ZNF621: variants seen among roughly 807,000 people sequenced by gnomAD.
ZNF621 encodes zinc finger protein 621.
ZNF621 carries 6 observed loss-of-function variants against 12.7 expected under a neutral mutation model. The observed-to-expected ratio is 0.47, with a 90% confidence interval of 0.26 to 0.93. The LOEUF is 0.93. ZNF621 is among the 40% of genes least tolerant of loss of function. The probability of loss-of-function intolerance (pLI) is 0.15; values close to 1 mark genes in which losing one functional copy is unlikely to be tolerated. For missense variants in ZNF621, 474 were observed against 524.0 expected, an observed-to-expected ratio of 0.90 and a Z score of 0.93; for synonymous variants, 156 against 190.3, an observed-to-expected ratio of 0.82 and a Z score of 1.48.
chr3:40,533,195 C>A lies in ZNF621; in HGVS notation c.*105C>A. 2 of 1,457,064 alleles carry A rather than the reference C, an allele frequency of 1.4e-6. No homozygotes were observed. The highest frequency in any genetic ancestry group is 2.9e-5 in the South Asian group (2 of 68,010). 90.3% of individuals were successfully genotyped at this position (1,457,064 alleles called of 1,614,324 possible). A position where few individuals can be genotyped will look rare whatever the true frequency, so the allele number is the denominator to read the frequency against. ...TTGCTCTGTCACCCAGGCTAGAGTG[C>A]GGTGGTGTGATCTTGGCTCACTGCA... On this transcript the variant is annotated 3_prime_UTR_variant, in exon 5 of 5. Coordinates refer to ENST00000339296, the MANE Select transcript of ZNF621 (RefSeq NM_198484.5).
chr3:40,532,562 A>G lies in ZNF621; in HGVS notation c.792A>G (p.Lys264=). 1 of 1,614,106 alleles carries G rather than the reference A, an allele frequency of 6.2e-7. No individual in the cohort carries two copies. The highest frequency in any genetic ancestry group is 8.5e-7 in the Non-Finnish European group (1 of 1,180,016). The change falls in exon 5 of 5, where the codon AAA becomes AAG. Residue 264 remains lysine, a synonymous_variant. Coordinates refer to ENST00000339296, the MANE Select transcript of ZNF621 (RefSeq NM_198484.5). ...QRLHTGEKLY[K]CKECWKAFGC... is the part of the protein sequence containing the mutation. ...TACACACGGGAGAGAAACTCTATAAATGTAAGGAATGTTGGAAAGCTTTCG... is the reference window on the plus strand; with the variant it reads ...TACACACGGGAGAGAAACTCTATAAGTGTAAGGAATGTTGGAAAGCTTTCG...
At chr3:40,525,652 A>T (rs912602507) in intron 1 of ZNF621, 127 bp from the exon 2 acceptor site, 1 of 732,934 alleles carries the variant, frequency 1.4e-6, no homozygotes, top group African/African-American at 1.8e-5. Context: ...GCGTGAGAAC[A>T]ATTAGAGGGA....
At chr3:40,526,200 C>T (rs548125571) in intron 2 of ZNF621, among the ~76,000 whole-genome samples, 212 of 152,310 alleles carry the variant, frequency 1.4e-3, no homozygotes, top group Non-Finnish European at 2.3e-3. Flanking sequence ...CGGAGTCTCA[C>T]TCTGTCGCCC....
upstream of ZNF621, among the ~76,000 whole-genome samples, chr3:40,523,633 C>T (rs1022156002): frequency 6.6e-6 from 1 of 151,928 alleles, no homozygotes; most frequent in South Asian, 2.1e-4. Context: ...GGCGTGGTGG[C>T]GGGGTGCCTG....
chr3:40,526,036 A>C (rs936796433), intron 2 of ZNF621, among the ~76,000 whole-genome samples, 172 bp downstream of exon 2: 2 of 152,152 alleles, frequency 1.3e-5, no homozygotes, highest in Admixed American at 1.3e-4. Flanking sequence ...TGGGGAAATG[A>C]AAGTTTTGTG....
Position 40,529,464 on chromosome 3 carries a change from GCCCTTTGTAA to G in ZNF621, c.151+21_151+30del, listed in dbSNP as rs1559557423. ...TCTCTGGGTAAGGCCTCCCTCTGTG[GCCCTTTGTAA>G]CAGTTTGCTATCTTCCTCAGATGTT... On this transcript the variant is annotated intron_variant, in intron 3 of 4. Coordinates refer to ENST00000339296, the MANE Select transcript of ZNF621 (RefSeq NM_198484.5). 1 of 1,611,646 alleles carries G rather than the reference GCCCTTTGTAA, an allele frequency of 6.2e-7. No individual in the cohort carries two copies.
upstream of ZNF621, chr3:40,524,953 A>C (rs1454436001): frequency 6.6e-6 from 1 of 151,970 alleles, no homozygotes; most frequent in East Asian, 1.9e-4. Context: ...CTGGGCGTGC[A>C]CTCGCCCTTC....
At chr3:40,523,116 T>C (rs1292279199), upstream of ZNF621, among the ~76,000 whole-genome samples, 1 of 152,030 alleles carries the variant, frequency 6.6e-6, no homozygotes, top group African/African-American at 2.4e-5. Context: ...TTTTTTTTCC[T>C]TTTTCTCTTT....
chr3:40,526,412 T>C (rs1698584482), intron 2 of ZNF621, among the ~76,000 whole-genome samples: 1 of 152,196 alleles, frequency 6.6e-6, no homozygotes, highest in Admixed American at 6.5e-5. Context: ...GCTCAGGTGA[T>C]CCACCCGCTT....
rs1342018091 is a variant in ZNF621, at chr3:40,537,658, A to C, written c.*4568A>C. ...AGTTTTAGGGGTCTGGATCAAACCA[A>C]CCACAAATTCCCTTAAGCCAAAACC... On this transcript the variant is annotated 3_prime_UTR_variant, in exon 5 of 5. Transcript: ENST00000339296. The C allele has an allele frequency of 6.5e-6, 1 of 152,778 alleles. No individual in the cohort carries two copies. Among genetic ancestry groups the C allele is most frequent in the Non-Finnish European group, 1.5e-5 (1 of 68,442 alleles). 9.5% of individuals were successfully genotyped at this position (152,778 alleles called of 1,614,324 possible).
In ZNF621 at chr3:40,536,584, A is replaced by C. The variant is rs911869690; in HGVS notation, c.*3494A>C. On this transcript the variant is annotated 3_prime_UTR_variant, in exon 5 of 5. Transcript: ENST00000339296. ...TCATTCTGTCTCATCCCAGGAATCCAGTCCCAAGTGCTGCCTGCCAATCGT... is the reference window on the plus strand; with the variant it reads ...TCATTCTGTCTCATCCCAGGAATCCCGTCCCAAGTGCTGCCTGCCAATCGT... The C allele has an allele frequency of 1.3e-5, 2 of 152,242 alleles. No homozygotes were observed. Among genetic ancestry groups the C allele is most frequent in the Non-Finnish European group, 2.9e-5 (2 of 68,044 alleles). 9.4% of individuals were successfully genotyped at this position (152,242 alleles called of 1,614,324 possible). A position where few individuals can be genotyped will look rare whatever the true frequency, so the allele number is the denominator to read the frequency against.
chr3:40,530,426 G>A lies in ZNF621; in HGVS notation c.259+110G>A, dbSNP rs184607870. 198 of 852,486 alleles carry A rather than the reference G, an allele frequency of 2.3e-4. 1 individual carries two copies. In the East Asian group the frequency reaches 4.0e-3, roughly 17 times the overall value. 52.8% of individuals were successfully genotyped at this position (852,486 alleles called of 1,614,324 possible). ...CAAATCTCCCAGTTATTTATAAGTC[G>A]ATACTCACTGTACTCTCTGACCTCA... On this transcript the variant is annotated intron_variant, in intron 4 of 4. Transcript: ENST00000339296.
intron 4 of ZNF621, among the ~76,000 whole-genome samples, chr3:40,531,460 A>G (rs920668843): frequency 6.6e-6 from 1 of 150,876 alleles, no homozygotes; most frequent in Non-Finnish European, 1.5e-5. Context: ...CCTTCTTCCC[A>G]TCACCTACCT....
chr3:40,523,393 T>C (rs1301077911), upstream of ZNF621, among the ~76,000 whole-genome samples: 2 of 152,348 alleles, frequency 1.3e-5, no homozygotes, highest in African/African-American at 4.8e-5. Flanking sequence ...TTCCCCTTTA[T>C]AGCATGGAAA....
In ZNF621 at chr3:40,533,405, T is replaced by C. The variant is rs1575310710; in HGVS notation, c.*315T>C. 1 of 311,312 alleles carries C rather than the reference T, an allele frequency of 3.2e-6. No homozygotes were observed. The highest frequency in any genetic ancestry group is 6.8e-5 in the East Asian group (1 of 14,774). The allele number at this position is 311,312 out of a possible 1,614,324, so 19.3% of individuals were successfully genotyped here. ...ATCCGCCTGCCTTGGCCCCCCAAAG[T>C]GCTGGGATTACAGGAGTGAGCCACT... is the stretch of plus-strand genomic sequence containing the variant. On this transcript the variant is annotated 3_prime_UTR_variant, in exon 5 of 5. Coordinates refer to ENST00000339296, the MANE Select transcript of ZNF621 (RefSeq NM_198484.5).
intron 4 of ZNF621, 52 bp downstream of exon 4, chr3:40,530,368 C>G (rs754762728): frequency 6.9e-7 from 1 of 1,458,632 alleles, no homozygotes; most frequent in South Asian, 1.1e-5. Context: ...TCCTGGTTTA[C>G]TAGGTAAGAA....
Position 40,532,312 on chromosome 3 carries a change from G to A in ZNF621, c.542G>A (p.Cys181Tyr). ...CATACTGGGGAAAAGCCCTTTAAGT[G>A]TAAGGAGTGTGGCAAAGCTTTCAAG... ...MSHTGEKPFK[C>Y]KECGKAFKSS... The change falls in exon 5 of 5, where the codon TGT (cysteine) becomes TAT (tyrosine). Residue 181 changes from cysteine (C) to tyrosine (Y), a missense_variant. By Grantham distance (194) the Cys-to-Tyr change is radical. Transcript: ENST00000339296. 1.9e-6 allele frequency: 3 copies of A among 1,612,436 alleles called. No individual in the cohort carries two copies. Among genetic ancestry groups the A allele is most frequent in the Non-Finnish European group, 2.5e-6 (3 of 1,180,036 alleles).
upstream of ZNF621, among the ~76,000 whole-genome samples, chr3:40,524,015 C>G (rs139796811): frequency 1.3e-5 from 2 of 152,102 alleles, no homozygotes; most frequent in African/African-American, 4.8e-5. Flanking sequence ...GTGTACTGAT[C>G]TAAAATTATG....
In ZNF621 at chr3:40,539,774, T is replaced by A. The variant is rs1436827743; in HGVS notation, c.*6684T>A. The A allele has an allele frequency of 6.6e-6, 1 of 152,208 alleles. No homozygotes were observed. The highest frequency in any genetic ancestry group is 2.4e-5 in the African/African-American group (1 of 41,442). 9.4% of individuals were successfully genotyped at this position (152,208 alleles called of 1,614,324 possible). A position where few individuals can be genotyped will look rare whatever the true frequency, so the allele number is the denominator to read the frequency against. ...ATTTAATATTTTTCATAAAGAAAACTTTTGACAATTTGTTTTTAAGAGACA... is the reference window on the plus strand; with the variant it reads ...ATTTAATATTTTTCATAAAGAAAACATTTGACAATTTGTTTTTAAGAGACA... On this transcript the variant is annotated 3_prime_UTR_variant, in exon 5 of 5. Transcript: ENST00000339296.
Sources: gnomAD v4.1 joint callset for allele counts (sites outside exome capture counted in the v4.1 genomes callset) on GRCh38, gnomAD v4.1.1 for gene constraint, MANE v1.5 for transcripts, NCBI Gene and HGNC (gene_info 2026-07-23, HGNC 2026-07-21) for gene names.